Variants in AGBL4 observed in about 807,000 individuals in gnomAD.
AGBL4 encodes AGBL carboxypeptidase 4.
AGBL4 carries 58 observed loss-of-function variants against 66.4 expected under a neutral mutation model. The observed-to-expected ratio is 0.87, with a 90% confidence interval of 0.71 to 1.09. The LOEUF (loss-of-function observed/expected upper bound fraction) is 1.09, where lower values mean the gene tolerates loss of function less well. Ranked by LOEUF, AGBL4 falls within the 50% of genes least tolerant of loss-of-function variation. The pLI is 0.00. For synonymous variants in AGBL4, 234 were observed against 222.9 expected (o/e 1.05, Z -0.44); for missense variants, 579 against 631.0 (o/e 0.92, Z 0.88).
intron 1 of AGBL4, among the ~76,000 whole-genome samples, chr1:49,934,367 T>G (rs1244592254): frequency 6.6e-6 from 1 of 152,176 alleles, no homozygotes; most frequent in Non-Finnish European, 1.5e-5. Context: ...ACATGGAACA[T>G]TCTCTATAAG....
chr1:48,710,021 G>A (rs1646941394), intron 6 of AGBL4, among the ~76,000 whole-genome samples: 1 of 152,208 alleles, frequency 6.6e-6, no homozygotes, highest in Admixed American at 6.5e-5. Context: ...GAGGCACAGA[G>A]AGATTAAATA....
chr1:49,086,392 G>T (rs1029584673), intron 4 of AGBL4, among the ~76,000 whole-genome samples: 17 of 151,456 alleles, frequency 1.1e-4, no homozygotes, highest in African/African-American at 3.9e-4. Flanking sequence ...GGGTGGGGGT[G>T]ACCTCACCCA....
chr1:48,897,023 T>C (rs1300917322), intron 5 of AGBL4, among the ~76,000 whole-genome samples: 1 of 152,220 alleles, frequency 6.6e-6, no homozygotes, highest in Non-Finnish European at 1.5e-5. Context: ...ATTGATGCCA[T>C]TTGTTTTTTC....
At chr1:49,881,231 T>C (rs1647268354) in intron 1 of AGBL4, among the ~76,000 whole-genome samples, 1 of 152,170 alleles carries the variant, frequency 6.6e-6, no homozygotes, top group Admixed American at 6.5e-5. Context: ...TCATTTTTTA[T>C]GGCTGCATAG....
At chr1:49,800,807 A>G (rs1218550869) in intron 2 of AGBL4, among the ~76,000 whole-genome samples, 4 of 115,488 alleles carry the variant, frequency 3.5e-5, no homozygotes, top group Non-Finnish European at 7.1e-5. Flanking sequence ...GCTATTGTGA[A>G]TAATGCTGCA....
intron 3 of AGBL4, among the ~76,000 whole-genome samples, chr1:49,363,553 T>G (rs999118505): frequency 2.0e-5 from 3 of 152,212 alleles, no homozygotes; most frequent in African/African-American, 7.2e-5. Context: ...TGTTTGAAAC[T>G]AAATTACTAT....
chr1:49,842,276 C>T, intron 2 of AGBL4: 1 of 455,234 alleles, frequency 2.2e-6, no homozygotes, highest in South Asian at 1.9e-5. Flanking sequence ...CGCCTTCAGG[C>T]TTCTGGTCTC....
chr1:48,718,669 T>G (rs1469866471), intron 6 of AGBL4, among the ~76,000 whole-genome samples: 1 of 152,086 alleles, frequency 6.6e-6, no homozygotes, highest in East Asian at 1.9e-4. Context: ...CCACCTGGAG[T>G]GCTCTGAGGT....
intron 3 of AGBL4, among the ~76,000 whole-genome samples, chr1:49,659,266 G>C (rs1389694386): frequency 6.6e-6 from 1 of 151,994 alleles, no homozygotes; most frequent in Non-Finnish European, 1.5e-5. Context: ...AAGTCTACAA[G>C]ATAACCAGTT....
At chr1:49,146,820 T>G (rs1646227670) in intron 4 of AGBL4, among the ~76,000 whole-genome samples, 1 of 152,244 alleles carries the variant, frequency 6.6e-6, no homozygotes, top group African/African-American at 2.4e-5. Context: ...GCCATTCTTC[T>G]GCCTCATCCA....
chr1:49,916,175 G>T (rs189414530), intron 1 of AGBL4, among the ~76,000 whole-genome samples: 1 of 152,236 alleles, frequency 6.6e-6, no homozygotes, highest in African/African-American at 2.4e-5. Context: ...AAATCTGAGC[G>T]CCCCTCCCCT....
chr1:48,592,130 T>C (rs2148349790), intron 9 of AGBL4, among the ~76,000 whole-genome samples: 1 of 152,268 alleles, frequency 6.6e-6, no homozygotes, highest in South Asian at 2.1e-4. Context: ...AAGACTCGCA[T>C]GGGGAGGGGA....
intron 1 of AGBL4, among the ~76,000 whole-genome samples, chr1:49,921,581 G>A (rs1266519140): frequency 6.6e-6 from 1 of 152,088 alleles, no homozygotes; most frequent in Non-Finnish European, 1.5e-5. Flanking sequence ...CTCAGTCCAA[G>A]TCCAAAAGCC....
At chr1:49,515,023 C>G (rs1570926616) in intron 3 of AGBL4, among the ~76,000 whole-genome samples, 1 of 152,166 alleles carries the variant, frequency 6.6e-6, no homozygotes, top group East Asian at 1.9e-4. Context: ...CAACAAAAGA[C>G]AAAATTGACA....
intron 11 of AGBL4, among the ~76,000 whole-genome samples, chr1:48,549,291 T>G (rs1384966719): frequency 1.3e-5 from 2 of 152,246 alleles, no homozygotes; most frequent in Non-Finnish European, 2.9e-5. Flanking sequence ...CTTTTGTCTC[T>G]GCCTGCCTCA....
At chr1:48,534,747 A>G in intron 13 of AGBL4, 143 bp downstream of exon 13, 1 of 815,360 alleles carries the variant, frequency 1.2e-6, no homozygotes, top group Non-Finnish European at 2.0e-6. Flanking sequence ...CCCCTCCACC[A>G]GGAAGCCTCA....
At chr1:49,613,917 G>A (rs529161738) in intron 3 of AGBL4, among the ~76,000 whole-genome samples, 10 of 152,172 alleles carry the variant, frequency 6.6e-5, no homozygotes, top group African/African-American at 9.6e-5. Context: ...AAACCTAAAA[G>A]TTGAAATTTA....
intron 2 of AGBL4, among the ~76,000 whole-genome samples, chr1:49,765,462 CA>C (rs1022259367): frequency 2.6e-5 from 4 of 151,814 alleles, no homozygotes; most frequent in Non-Finnish European, 2.9e-5. Context: ...ATCCTATTCA[CA>C]AAAAAATAAT....
At chr1:48,658,600 T>A (rs1646056414) in intron 7 of AGBL4, among the ~76,000 whole-genome samples, 1 of 152,060 alleles carries the variant, frequency 6.6e-6, no homozygotes, top group Non-Finnish European at 1.5e-5. Flanking sequence ...ATTTCACAGA[T>A]GAAGAGACAG....
Sources: gnomAD v4.1 joint callset for allele counts (sites outside exome capture counted in the v4.1 genomes callset) on GRCh38, gnomAD v4.1.1 for gene constraint, MANE v1.5 for transcripts, NCBI Gene and HGNC (gene_info 2026-07-23, HGNC 2026-07-21) for gene names.